Variants in GOLGA4 observed in about 807,000 individuals in gnomAD.
The protein encoded by GOLGA4 is golgin A4.
GOLGA4 carries 169 observed loss-of-function variants against 265.9 expected under a neutral mutation model. The observed-to-expected ratio is 0.64, with a 90% CI of 0.56 to 0.72. The LOEUF (loss-of-function observed/expected upper bound fraction) is 0.72, where lower values mean the gene tolerates loss of function less well. Among genes scored for constraint, GOLGA4 ranks in the 30% least tolerant of loss-of-function variants. The pLI, the probability that GOLGA4 is intolerant of heterozygous loss-of-function variation, is 0.00. For missense variants in GOLGA4, 2,482 were observed against 2,483.4 expected (o/e 1.00, Z 0.01); for synonymous variants, 923 against 855.8 (o/e 1.08, Z -1.37).
At chr3:37,293,886 A>G (rs569219890) in intron 5 of GOLGA4, among the ~76,000 whole-genome samples, 1 of 152,374 alleles carries the variant, frequency 6.6e-6, no homozygotes, top group East Asian at 1.9e-4. Context: ...TATTGTTCCT[A>G]CACTACAAGC....
intron 2 of GOLGA4, among the ~76,000 whole-genome samples, chr3:37,268,357 T>C (rs1196678696): frequency 6.6e-6 from 1 of 152,072 alleles, no homozygotes; most frequent in Non-Finnish European, 1.5e-5. Flanking sequence ...GTGCTTGGAT[T>C]ACAGACATGA....
chr3:37,265,615 G>T (rs1260136167), intron 2 of GOLGA4, among the ~76,000 whole-genome samples: 3 of 152,030 alleles, frequency 2.0e-5, no homozygotes, highest in Non-Finnish European at 2.9e-5. Flanking sequence ...TGATGAATTT[G>T]GTGTTAAGTA....
At chr3:37,291,236 T>C (rs1469281649) in intron 5 of GOLGA4, among the ~76,000 whole-genome samples, 1 of 152,212 alleles carries the variant, frequency 6.6e-6, no homozygotes, top group Non-Finnish European at 1.5e-5. Flanking sequence ...AATACCTCTT[T>C]ATAATGTTAT....
chr3:37,266,740 T>C (rs143795351), intron 2 of GOLGA4: 3 of 414,162 alleles, frequency 7.2e-6, no homozygotes, highest in African/African-American at 2.0e-5. Context: ...TATAGTGTTA[T>C]GCATGCTGCG....
At position 37,324,008 on chromosome 3, in the gene GOLGA4, T is replaced by G. The variant is rs779242537; in HGVS notation, c.2122T>G (p.Ser708Ala). 2.5e-6 allele frequency: 4 copies of G among 1,613,888 alleles called. No individual in the cohort carries two copies. The highest frequency in any genetic ancestry group is 3.4e-6 in the Non-Finnish European group (4 of 1,179,952). ...KARHKLEEEL[S>A]VLKDQTDKMK... ...CCGTCACAAACTAGAAGAGGAACTT[T>G]CTGTTCTGAAAGATCAAACAGATAA... The change falls in exon 14 of 24, where the codon TCT becomes GCT. Residue 708 changes from serine to alanine, a missense_variant. Physicochemically the swap from Ser to Ala is moderately conservative, Grantham distance 99. Coordinates refer to ENST00000361924, the MANE Select transcript of GOLGA4 (RefSeq NM_002078.5).
rs540166927 is a variant in GOLGA4 at position 37,312,509 on chromosome 3, G to A, written c.1235-2911G>A. Among the ~76,000 whole-genome samples the A allele has an allele frequency of 1.7e-4, 26 of 151,390 alleles. No individual in the cohort carries two copies. In the South Asian group the frequency reaches 5.2e-3, roughly 30 times the overall value. ...GGGTTTGCAGGCAAATGCCAGTAAA[G>A]TTAGAATAGGAATCTTTTTTTTTTT... On this transcript the variant is annotated intron_variant, in intron 10 of 23. Coordinates refer to ENST00000361924, the MANE Select transcript of GOLGA4 (RefSeq NM_002078.5).
chr3:37,336,669 G>C (rs58655174), intron 17 of GOLGA4, among the ~76,000 whole-genome samples: 1 of 152,016 alleles, frequency 6.6e-6, no homozygotes, highest in Non-Finnish European at 1.5e-5. Context: ...TACTTGGGAG[G>C]CTGAGGCAGG....
At chr3:37,269,506 A>T (rs924792621) in intron 2 of GOLGA4, among the ~76,000 whole-genome samples, 1 of 152,216 alleles carries the variant, frequency 6.6e-6, no homozygotes, top group African/African-American at 2.4e-5. Flanking sequence ...GGAGACAAAC[A>T]TGTCAACATA....
chr3:37,304,652 T>C (rs1228946626), intron 10 of GOLGA4, among the ~76,000 whole-genome samples: 1 of 152,202 alleles, frequency 6.6e-6, no homozygotes, highest in Non-Finnish European at 1.5e-5. Context: ...AAATTCAGTG[T>C]ACTTAATGAG....
At chr3:37,251,287 C>G in intron 1 of GOLGA4, 108 bp from the exon 2 acceptor site, 1 of 646,762 alleles carries the variant, frequency 1.5e-6, no homozygotes, top group Admixed American at 3.0e-5. Context: ...TGCTCTTTTC[C>G]TTTCTTTCAC....
At chr3:37,320,516 T>C (rs1444491790) in intron 12 of GOLGA4, 3 of 152,196 alleles carry the variant, frequency 2.0e-5, no homozygotes, top group Non-Finnish European at 1.5e-5. Flanking sequence ...GGATTTACAG[T>C]ATGATTGGGT....
At chr3:37,249,589 T>C (rs1335988426) in intron 1 of GOLGA4, 1 of 152,116 alleles carries the variant, frequency 6.6e-6, no homozygotes, top group Admixed American at 6.6e-5. Flanking sequence ...TTTAAGTCCT[T>C]ATTCTTCCTG....
chr3:37,244,727 A>G (rs946011970), intron 1 of GOLGA4, among the ~76,000 whole-genome samples: 5 of 152,234 alleles, frequency 3.3e-5, no homozygotes, highest in Non-Finnish European at 7.3e-5. Context: ...TGTAAAGCTC[A>G]TGTGTAGTAA....
In GOLGA4 at chr3:37,243,344, A is replaced by G; in HGVS notation, c.-207A>G. 1.7e-6 allele frequency: 1 copy of G among 575,958 alleles called. No homozygotes were observed. The highest frequency in any genetic ancestry group is 2.2e-5 in the South Asian group (1 of 45,142). The allele number at this position is 575,958 out of a possible 1,614,324, so 35.7% of individuals were successfully genotyped here. A position where few individuals can be genotyped will look rare whatever the true frequency, so the allele number is the denominator to read the frequency against. Reference sequence around the variant, plus strand: ...TGGGGGGCCGAGGCCAGCCAGTGGCACCCGGAAGAAAGAGACGCGGCGGCG... The same window carrying G: ...TGGGGGGCCGAGGCCAGCCAGTGGCGCCCGGAAGAAAGAGACGCGGCGGCG... On this transcript the variant is annotated 5_prime_UTR_variant, in exon 1 of 24. Coordinates refer to ENST00000361924, the MANE Select transcript of GOLGA4 (RefSeq NM_002078.5).
At chr3:37,288,616 A>T (rs1047198996) in intron 4 of GOLGA4, among the ~76,000 whole-genome samples, 2 of 151,640 alleles carry the variant, frequency 1.3e-5, no homozygotes, top group East Asian at 3.9e-4. Flanking sequence ...AGCTGGGACT[A>T]CAGGCGCCTG....
At chr3:37,348,923 C>T (rs1246778558) in intron 21 of GOLGA4, among the ~76,000 whole-genome samples, 1 of 152,140 alleles carries the variant, frequency 6.6e-6, no homozygotes, top group Non-Finnish European at 1.5e-5. Context: ...GCTTGTGCTT[C>T]AGGGCTCTGC....
chr3:37,277,188 C>T (rs549486695), intron 2 of GOLGA4, among the ~76,000 whole-genome samples: 6 of 152,242 alleles, frequency 3.9e-5, no homozygotes, highest in Admixed American at 6.5e-5. Context: ...TGTAACTAAC[C>T]GTGATCATCA....
chr3:37,293,323 T>G (rs2096869756), intron 5 of GOLGA4, among the ~76,000 whole-genome samples: 1 of 152,248 alleles, frequency 6.6e-6, no homozygotes, highest in Non-Finnish European at 1.5e-5. Flanking sequence ...TTTTAAATGC[T>G]CATCAGCTAT....
chr3:37,354,368 G>T (rs1245202460), intron 21 of GOLGA4, among the ~76,000 whole-genome samples: 1 of 151,986 alleles, frequency 6.6e-6, no homozygotes, highest in Non-Finnish European at 1.5e-5. Flanking sequence ...TTCATAAGTG[G>T]TATCTTCTTT....
Sources: gnomAD v4.1 joint callset for allele counts (sites outside exome capture counted in the v4.1 genomes callset) on GRCh38, gnomAD v4.1.1 for gene constraint, MANE v1.5 for transcripts, NCBI Gene and HGNC (gene_info 2026-07-23, HGNC 2026-07-21) for gene names.